Variants in FANCC observed in about 807,000 individuals in gnomAD.
FANCC encodes FA complementation group C.
Under a neutral mutation model 71.3 loss-of-function variants are expected in FANCC, and 55 were observed. That is an observed-to-expected ratio of 0.77 (90% CI 0.62 to 0.97). The LOEUF (loss-of-function observed/expected upper bound fraction) is 0.97. Among genes scored for constraint, FANCC ranks in the 50% least tolerant of loss-of-function variants. The probability of loss-of-function intolerance (pLI) is 0.00; values close to 1 mark genes in which losing one functional copy is unlikely to be tolerated. For synonymous variants in FANCC, 275 were observed against 244.9 expected, an observed-to-expected ratio of 1.12 and a Z score of -1.15; for missense variants, 678 against 670.9, an observed-to-expected ratio of 1.01 and a Z score of -0.12.
At chr9:95,153,379 G>A (rs1221578016) in intron 6 of FANCC, among the ~76,000 whole-genome samples, 1 of 151,570 alleles carries the variant, frequency 6.6e-6, no homozygotes, top group Admixed American at 6.6e-5. Context: ...TAGTGTAATT[G>A]CTGGATCAAA....
intron 14 of FANCC, among the ~76,000 whole-genome samples, chr9:95,102,905 C>A (rs897861251): frequency 6.6e-6 from 1 of 152,240 alleles, no homozygotes; most frequent in Admixed American, 6.5e-5. Flanking sequence ...CTGCAGCCGG[C>A]CTGCAACGAG....
At chr9:95,223,476 C>T (rs1202604831) in intron 4 of FANCC, among the ~76,000 whole-genome samples, 1 of 152,190 alleles carries the variant, frequency 6.6e-6, no homozygotes, top group Non-Finnish European at 1.5e-5. Flanking sequence ...ATGACTTCAT[C>T]TTAACTAATC....
intron 1 of FANCC, among the ~76,000 whole-genome samples, chr9:95,291,967 A>AAAAAATATATAT (rs1441757988): frequency 2.6e-4 from 13 of 50,420 alleles, no homozygotes; most frequent in African/African-American, 4.9e-4. Context: ...AAAAAAAAAA[A>AAAAAATATATAT]ATATATATAT....
chr9:95,255,771 T>C (rs1380187433), intron 1 of FANCC, among the ~76,000 whole-genome samples: 1 of 152,064 alleles, frequency 6.6e-6, no homozygotes, highest in African/African-American at 2.4e-5. Flanking sequence ...GAGCATTTTT[T>C]AACCCAATGC....
chr9:95,114,647 A>G lies in FANCC; in HGVS notation c.1136T>C (p.Val379Ala), dbSNP rs745693332. The G allele has an allele frequency of 6.2e-7, 1 of 1,614,114 alleles. No homozygotes were observed. Among genetic ancestry groups the G allele is most frequent in the Middle Eastern group, 1.6e-4 (1 of 6,062 alleles). The change falls in exon 12 of 15, where the codon GTT (valine) becomes GCT (alanine). Residue 379 changes from valine to alanine, a missense_variant. Coordinates refer to ENST00000289081, the MANE Select transcript of FANCC (RefSeq NM_000136.3). ...TGCTCACCCATGAGTCTGGTCTTCA[A>G]CTGCTTCTCTGAGCAGTTCAGAAAT... ...KHISELLREA[V>A]EDQTHGSCGG...
At chr9:95,213,782 A>G (rs1053439704) in intron 4 of FANCC, among the ~76,000 whole-genome samples, 9 of 152,218 alleles carry the variant, frequency 5.9e-5, no homozygotes, top group Non-Finnish European at 1.3e-4. Context: ...AAAGGCACGG[A>G]CAACAAAAGA....
At chr9:95,177,620 T>C (rs1366878383) in intron 4 of FANCC, among the ~76,000 whole-genome samples, 1 of 152,224 alleles carries the variant, frequency 6.6e-6, no homozygotes, top group Non-Finnish European at 1.5e-5. Flanking sequence ...AAATATCTTC[T>C]TTCACTATAT....
chr9:95,203,463 T>C (rs1465316887), intron 4 of FANCC, among the ~76,000 whole-genome samples: 1 of 151,756 alleles, frequency 6.6e-6, no homozygotes, highest in Admixed American at 6.6e-5. Flanking sequence ...CACTACATTT[T>C]ATATGCTCAC....
chr9:95,113,188 G>C (rs1361907091), intron 12 of FANCC, among the ~76,000 whole-genome samples: 1 of 152,168 alleles, frequency 6.6e-6, no homozygotes, highest in African/African-American at 2.4e-5. Context: ...TTTTTGTCTG[G>C]TCTCTGTCGG....
At chr9:95,266,796 G>T (rs1479707370) in intron 1 of FANCC, among the ~76,000 whole-genome samples, 2 of 152,042 alleles carry the variant, frequency 1.3e-5, no homozygotes, top group Admixed American at 6.6e-5. Flanking sequence ...ATATGCTATG[G>T]GTCACTGAGC....
At chr9:95,296,513 T>TA (rs1834387402) in intron 1 of FANCC, among the ~76,000 whole-genome samples, 1 of 152,094 alleles carries the variant, frequency 6.6e-6, no homozygotes, top group Non-Finnish European at 1.5e-5. Context: ...CTTTTTTTTT[T>TA]AATCTAAGGG....
chr9:95,223,010 A>C (rs1829379094), intron 4 of FANCC, among the ~76,000 whole-genome samples: 1 of 152,230 alleles, frequency 6.6e-6, no homozygotes, highest in Admixed American at 6.5e-5. Context: ...TTTTCTGATT[A>C]TAAAAAATAT....
chr9:95,221,497 CAG>C (rs1173322881), intron 4 of FANCC, among the ~76,000 whole-genome samples: 1 of 151,754 alleles, frequency 6.6e-6, no homozygotes, highest in Non-Finnish European at 1.5e-5. Context: ...TGAATTATAA[CAG>C]AACAAAATGA....
intron 4 of FANCC, among the ~76,000 whole-genome samples, chr9:95,187,193 C>T (rs1242509270): frequency 4.6e-5 from 7 of 152,200 alleles, no homozygotes; most frequent in Admixed American, 1.3e-4. Context: ...CGGGAAGCAG[C>T]GAGCGTTACG....
chr9:95,114,233 G>A lies in FANCC; in HGVS notation c.1154+396C>T, dbSNP rs879676249. On this transcript the variant is annotated intron_variant, in intron 12 of 14. Coordinates refer to ENST00000289081, the MANE Select transcript of FANCC (RefSeq NM_000136.3). ...GTTTCAAATCTCCTTCCCTAGAGAG[G>A]TAGAGGGAAGACCACAGGACCCAAA... 1.2e-5 allele frequency: 4 copies of A among 320,684 alleles called. No homozygotes were observed. The Admixed American group carries it at 1.6e-4, about 13-fold the overall frequency. The allele number at this position is 320,684 out of a possible 1,614,324, so 19.9% of individuals were successfully genotyped here.
At chr9:95,218,070 T>C (rs1020087411) in intron 4 of FANCC, among the ~76,000 whole-genome samples, 2 of 152,214 alleles carry the variant, frequency 1.3e-5, no homozygotes, top group Non-Finnish European at 2.9e-5. Context: ...AGAAACTACC[T>C]ATTTTAAAAA....
chr9:95,226,758 G>A (rs900880762), intron 4 of FANCC, among the ~76,000 whole-genome samples: 7 of 152,274 alleles, frequency 4.6e-5, no homozygotes, highest in Non-Finnish European at 1.5e-5. Flanking sequence ...CTCCCCAGGA[G>A]GGCAAAGCAG....
At chr9:95,222,597 A>G (rs2135944050) in intron 4 of FANCC, among the ~76,000 whole-genome samples, 1 of 152,298 alleles carries the variant, frequency 6.6e-6, no homozygotes, top group South Asian at 2.1e-4. Flanking sequence ...TGTCAAAACT[A>G]TCAAATTATA....
intron 10 of FANCC, chr9:95,123,584 TG>T: frequency 1.7e-6 from 1 of 581,328 alleles, no homozygotes; most frequent in Non-Finnish European, 3.3e-6. Flanking sequence ...GCAGCCTATT[TG>T]CGACACGAAC....
Sources: allele counts gnomAD v4.1 joint callset (sites outside exome capture counted in the v4.1 genomes callset), GRCh38; gene constraint gnomAD v4.1.1; transcripts MANE v1.5; gene names NCBI Gene and HGNC (gene_info 2026-07-23, HGNC 2026-07-21).